ABCA12: variants seen among roughly 807,000 people sequenced by gnomAD.
ABCA12 encodes ATP binding cassette subfamily A member 12.
Under a neutral mutation model 293.5 loss-of-function variants are expected in ABCA12, and 156 were observed. That is an observed-to-expected ratio of 0.53 (90% confidence interval 0.47 to 0.61). The LOEUF (loss-of-function observed/expected upper bound fraction) is 0.61. Ranked by LOEUF, ABCA12 falls within the 20% of genes least tolerant of loss-of-function variation. The pLI is 0.00. For synonymous variants in ABCA12, 1,063 were observed against 1,108.0 expected (o/e 0.96, Z 0.81); for missense variants, 2,797 against 3,090.2 (o/e 0.91, Z 2.25).
Position 214,974,863 on chromosome 2 carries a change from T to A in ABCA12, c.5383A>T (p.Asn1795Tyr). The change falls in exon 35 of 53, where the codon AAT (asparagine) becomes TAT (tyrosine). Residue 1795 changes from asparagine to tyrosine, a missense_variant and splice_region_variant. Asn to Tyr is a moderately radical substitution (Grantham distance 143). This residue lies in a region of ABCA12 where 2,130 missense variants were observed against 2,427.0 expected (regional missense o/e 0.88). Coordinates refer to ENST00000272895, the MANE Select transcript of ABCA12 (RefSeq NM_173076.3). ...GTSEQTAFYANYHPSTEALVS... is the reference protein window; with the variant it reads ...GTSEQTAFYAYYHPSTEALVS... ...AGTGCTTCCGTGCTCGGGTGATAAT[T>A]ACTGCAATATGAAAGGACAGAAACA... The A allele has an allele frequency of 6.2e-7, 1 of 1,613,502 alleles. No homozygotes were observed. The highest frequency in any genetic ancestry group is 8.5e-7 in the Non-Finnish European group (1 of 1,179,450).
At chr2:215,080,303 G>C (rs964125756) in intron 2 of ABCA12, among the ~76,000 whole-genome samples, 1 of 152,124 alleles carries the variant, frequency 6.6e-6, no homozygotes, top group Non-Finnish European at 1.5e-5. Flanking sequence ...TTCGAGACCA[G>C]TCTGGGCAAC....
At chr2:215,024,668 CATA>C (rs1369765448) in intron 11 of ABCA12, among the ~76,000 whole-genome samples, 1 of 152,130 alleles carries the variant, frequency 6.6e-6, no homozygotes, top group Non-Finnish European at 1.5e-5. Context: ...TATACATGGA[CATA>C]ATGTTTTGCA....
Position 215,052,442 on chromosome 2 carries a change from C to G in ABCA12, c.507+45G>C, listed in dbSNP as rs764934448. 9 of 1,477,986 alleles carry G rather than the reference C, an allele frequency of 6.1e-6. No homozygotes were observed. In the Admixed American group the frequency reaches 1.5e-4, roughly 25 times the overall value. 91.6% of individuals were successfully genotyped at this position (1,477,986 alleles called of 1,614,324 possible). A position where few individuals can be genotyped will look rare whatever the true frequency, so the allele number is the denominator to read the frequency against. Reference sequence around the variant, plus strand: ...GAGATCCTTCTATTAACCTAAAAGGCCTATGTTGAATCACTCTACCCATTA... The same window carrying G: ...GAGATCCTTCTATTAACCTAAAAGGGCTATGTTGAATCACTCTACCCATTA... On this transcript the variant is annotated intron_variant, in intron 5 of 52. Transcript: ENST00000272895.
At chr2:215,121,456 A>G (rs1032883478) in intron 1 of ABCA12, among the ~76,000 whole-genome samples, 2 of 152,146 alleles carry the variant, frequency 1.3e-5, no homozygotes, top group African/African-American at 2.4e-5. Flanking sequence ...GCATTGTCCT[A>G]TAAGACAAGA....
intron 2 of ABCA12, 26 bp downstream of exon 2, chr2:215,111,571 G>A (rs752605807): frequency 1.3e-6 from 2 of 1,549,278 alleles, no homozygotes; most frequent in East Asian, 4.5e-5. Context: ...AAAAATTAAG[G>A]AAATAAACAA....
chr2:215,098,249 C>T (rs536335863), intron 2 of ABCA12, among the ~76,000 whole-genome samples: 1 of 152,186 alleles, frequency 6.6e-6, no homozygotes. Context: ...AGCCCCCACA[C>T]CCCCTGCAAT....
At chr2:215,036,414 G>T (rs1700991413) in intron 8 of ABCA12, among the ~76,000 whole-genome samples, 1 of 152,086 alleles carries the variant, frequency 6.6e-6, no homozygotes, top group Non-Finnish European at 1.5e-5. Context: ...AACCAAACTT[G>T]GCAAGTAGGG....
rs760099478 is a variant in ABCA12 at position 215,138,174 on chromosome 2, A to C, written c.35T>G (p.Val12Gly). ...TTTTACACCTAGCCAATTTTTCCAGACCAGGATCTGAAGCTGATGAAACAG... is the reference window on the plus strand; with the variant it reads ...TTTTACACCTAGCCAATTTTTCCAGCCCAGGATCTGAAGCTGATGAAACAG... The part of the protein sequence containing the change: ...ASLFHQLQIL[V>G]WKNWLGVKRQ... The change falls in exon 1 of 53, where the codon GTC becomes GGC. Residue 12 changes from valine (V) to glycine (G), a missense_variant. This residue lies in a region of ABCA12 where 11 missense variants were observed against 25.0 expected (regional missense o/e 0.44). Transcript: ENST00000272895. 8.7e-6 allele frequency: 14 copies of C among 1,613,898 alleles called. No individual in the cohort carries two copies. Among genetic ancestry groups the C allele is most frequent in the Non-Finnish European group, 1.2e-5 (14 of 1,180,010 alleles).
chr2:215,096,737 T>C (rs1702256982), intron 2 of ABCA12, among the ~76,000 whole-genome samples: 2 of 152,192 alleles, frequency 1.3e-5, no homozygotes, highest in East Asian at 3.9e-4. Context: ...CAGCCTTTCC[T>C]TGCCCTGATC....
In ABCA12 at chr2:215,064,077, T is replaced by A. The variant is rs368051417; in HGVS notation, c.306A>T (p.Leu102=). 2.9e-5 allele frequency: 46 copies of A among 1,612,716 alleles called. No homozygotes were observed. The highest frequency in any genetic ancestry group is 3.8e-5 in the Non-Finnish European group (45 of 1,179,098). ...AGAAGTGCCCCCACCTGTCTTTAAA[T>A]AGTGCATCATCAATTCCTTTCCTAC... The part of the protein sequence containing the change: ...LLRRKGIDDA[L]FKDSEILRKS... The change falls in exon 3 of 53, where the codon CTA becomes CTT. Residue 102 remains leucine, a synonymous_variant. Coordinates refer to ENST00000272895, the MANE Select transcript of ABCA12 (RefSeq NM_173076.3).
At chr2:214,980,328 C>A (rs949729570) in intron 31 of ABCA12, among the ~76,000 whole-genome samples, 155 bp downstream of exon 31, 3 of 152,160 alleles carry the variant, frequency 2.0e-5, no homozygotes, top group Admixed American at 2.0e-4. Context: ...TTAGTCAAGA[C>A]CTCCAGGATT....
intron 3 of ABCA12, among the ~76,000 whole-genome samples, chr2:215,060,203 G>C (rs76225711): frequency 6.6e-6 from 1 of 151,980 alleles, no homozygotes; most frequent in African/African-American, 2.4e-5. Context: ...AGCAGTTTAC[G>C]TGTTATCTTG....
At chr2:214,995,845 GA>G (rs1700021367) in intron 23 of ABCA12, among the ~76,000 whole-genome samples, 1 of 151,990 alleles carries the variant, frequency 6.6e-6, no homozygotes, top group Admixed American at 6.6e-5. Context: ...AAAAAGGGGG[GA>G]AAATCAATGT....
intron 6 of ABCA12, among the ~76,000 whole-genome samples, chr2:215,049,424 G>A (rs1156556634): frequency 6.6e-6 from 1 of 152,026 alleles, no homozygotes; most frequent in Non-Finnish European, 1.5e-5. Context: ...AATATTTTTG[G>A]TTTAGCATTG....
intron 23 of ABCA12, among the ~76,000 whole-genome samples, chr2:214,996,154 T>C (rs1241477929): frequency 6.6e-6 from 1 of 152,194 alleles, no homozygotes; most frequent in Non-Finnish European, 1.5e-5. Context: ...GGTTCATAGC[T>C]AAAAACAAGT....
chr2:215,098,495 C>T (rs761894636), intron 2 of ABCA12, among the ~76,000 whole-genome samples: 2 of 152,238 alleles, frequency 1.3e-5, no homozygotes, highest in African/African-American at 4.8e-5. Context: ...CCATTTTCCA[C>T]TGACTTGTAA....
In ABCA12 at chr2:214,965,468, T is replaced by A. The variant is rs982716786; in HGVS notation, c.5884+1380A>T. 1.5e-4 allele frequency among the ~76,000 whole-genome samples: 23 copies of A among 151,962 alleles called. 1 individual carries two copies. The highest frequency in any genetic ancestry group is 2.6e-4 in the Admixed American group (4 of 15,266). Reference sequence around the variant, plus strand: ...GACAACCTACAGAATGGGAGAAAAATTTTGCCATCTGTCTCTCTGACAAAG... The same window carrying A: ...GACAACCTACAGAATGGGAGAAAAAATTTGCCATCTGTCTCTCTGACAAAG... On this transcript the variant is annotated intron_variant, in intron 39 of 52. Coordinates refer to ENST00000272895, the MANE Select transcript of ABCA12 (RefSeq NM_173076.3).
intron 9 of ABCA12, among the ~76,000 whole-genome samples, chr2:215,028,402 T>C (rs1385679306): frequency 2.0e-5 from 3 of 152,210 alleles, no homozygotes. Context: ...TAAATACTAT[T>C]CATAGTCTTT....
In ABCA12 at chr2:215,064,090, A is replaced by T; in HGVS notation, c.293T>A (p.Ile98Asn). The T allele has an allele frequency of 6.2e-7, 1 of 1,612,920 alleles. No homozygotes were observed. Among genetic ancestry groups the T allele is most frequent in the South Asian group, 1.1e-5 (1 of 91,072 alleles). Residue 98 changes from isoleucine to asparagine, a missense_variant, in exon 3 of 53, where the codon ATT (isoleucine) becomes AAT (asparagine). Physicochemically the swap from Ile to Asn is moderately radical, Grantham distance 149. Around this residue, in one of 3 missense-constraint regions of ABCA12, gnomAD observed 656 missense variants for 638.2 expected, o/e 1.03. Transcript: ENST00000272895. ...GPQDLLRRKG[I>N]DDALFKDSEI... ...CCTGTCTTTAAATAGTGCATCATCA[A>T]TTCCTTTCCTACGAAGCAGATCTTG...
Sources: allele counts gnomAD v4.1 joint callset (sites outside exome capture counted in the v4.1 genomes callset), GRCh38; gene constraint gnomAD v4.1.1; regional missense constraint gnomAD v4.1.1; transcripts MANE v1.5; gene names NCBI Gene and HGNC (gene_info 2026-07-23, HGNC 2026-07-21).